The following NAV2 variants were observed in gnomAD, a reference collection of about 807,000 sequenced individuals.
NAV2 encodes the protein helicase, APC down-regulated 1.
A neutral mutation model predicts 223.2 loss-of-function variants in NAV2; 54 were observed. The ratio of observed to expected loss-of-function variants is 0.24; its 90% CI spans 0.19 to 0.30. The LOEUF (loss-of-function observed/expected upper bound fraction) is 0.30, where lower values mean the gene tolerates loss of function less well. NAV2 is among the 10% of genes least tolerant of loss of function. NAV2 has a pLI of 1.00. For synonymous variants in NAV2, 1,279 were observed against 1,239.3 expected, an observed-to-expected ratio of 1.03 and a Z score of -0.67; for missense variants, 2,806 against 3,147.5, an observed-to-expected ratio of 0.89 and a Z score of 2.60.
chr11:19,636,475 A>G (rs976235776), intron 1 of NAV2, among the ~76,000 whole-genome samples: 2 of 151,274 alleles, frequency 1.3e-5, no homozygotes, highest in Non-Finnish European at 2.9e-5. Flanking sequence ...AATTAAGGAG[A>G]TGAGTTCTGC....
At chr11:19,472,459 TA>T (rs1450381770) in intron 1 of NAV2, among the ~76,000 whole-genome samples, 2 of 152,206 alleles carry the variant, frequency 1.3e-5, no homozygotes, top group Non-Finnish European at 2.9e-5. Flanking sequence ...ATGTATCATG[TA>T]AATATAAGTC....
At chr11:19,420,063 G>A (rs1201024965) in intron 1 of NAV2, among the ~76,000 whole-genome samples, 1 of 152,116 alleles carries the variant, frequency 6.6e-6, no homozygotes. Context: ...CTACGCCCAC[G>A]TTACTGTCTT....
At chr11:19,741,687 GTATATATATA>G (rs1156844957) in intron 1 of NAV2, among the ~76,000 whole-genome samples, 2,778 of 20,890 alleles carry the variant, frequency 0.13, 41 homozygotes, top group Non-Finnish European at 0.2. Flanking sequence ...GTGTGTGTGT[GTATATATATA>G]TATATATATA....
intron 1 of NAV2, among the ~76,000 whole-genome samples, chr11:19,666,326 G>T (rs967706424): frequency 4.6e-5 from 7 of 152,204 alleles, no homozygotes; most frequent in African/African-American, 1.7e-4. Flanking sequence ...AGCAATATTT[G>T]GGATGGCATA....
intron 1 of NAV2, among the ~76,000 whole-genome samples, chr11:19,442,337 C>T (rs1272131410): frequency 6.6e-6 from 1 of 152,232 alleles, no homozygotes; most frequent in Non-Finnish European, 1.5e-5. Flanking sequence ...AGTTCCCGCT[C>T]CTATCTGGTT....
At chr11:19,692,932 A>C (rs1446688036) in intron 1 of NAV2, among the ~76,000 whole-genome samples, 1 of 152,238 alleles carries the variant, frequency 6.6e-6, no homozygotes, top group Non-Finnish European at 1.5e-5. Context: ...ATAGGCTCCA[A>C]ACCGAGGGAA....
At position 20,034,362 on chromosome 11, in the gene NAV2, GTT is replaced by G. The variant is rs774988268; in HGVS notation, c.2769-1581_2769-1580del. 2.2e-3 allele frequency among the ~76,000 whole-genome samples: 294 copies of G among 133,266 alleles called. 1 individual carries two copies. The highest frequency in any genetic ancestry group is 7.5e-3 in the African/African-American group (277 of 37,032). 87.4% of individuals were successfully genotyped at this position (133,266 alleles called of 152,430 possible). On this transcript the variant is annotated intron_variant, in intron 11 of 37. Coordinates refer to ENST00000349880, the MANE Select transcript of NAV2 (RefSeq NM_145117.5). ...GTTTCGATCAGCAAGTTTTTTTTTT[GTT>G]TTTTTTTTTTTTTTTGTTTGTTTGT...
chr11:19,748,034 A>G (rs1333239487), intron 1 of NAV2, among the ~76,000 whole-genome samples: 1 of 152,212 alleles, frequency 6.6e-6, no homozygotes, highest in Non-Finnish European at 1.5e-5. Context: ...TATGCTGGGC[A>G]TGTAGTGAGA....
Position 19,775,583 on chromosome 11 carries a change from G to A in NAV2, c.268-56901G>A, listed in dbSNP as rs1204852306. ...AGGTTGTTGGAATTTGTAGTCTAGTGGGACAAGGCAGAAAAGAAACAAGAA... is the reference window on the plus strand; with the variant it reads ...AGGTTGTTGGAATTTGTAGTCTAGTAGGACAAGGCAGAAAAGAAACAAGAA... On this transcript the variant is annotated intron_variant, in intron 1 of 37. Transcript: ENST00000349880. Among the ~76,000 whole-genome samples, 3 of 152,196 alleles carry A rather than the reference G, an allele frequency of 2.0e-5. No homozygotes were observed. In the East Asian group the frequency reaches 5.8e-4, roughly 29 times the overall value.
At chr11:19,417,822 G>C (rs1429436131) in intron 1 of NAV2, among the ~76,000 whole-genome samples, 1 of 152,090 alleles carries the variant, frequency 6.6e-6, no homozygotes, top group East Asian at 1.9e-4. Context: ...CCTTTTCAGG[G>C]ACATGGATGA....
chr11:19,623,666 C>G (rs946597810), intron 1 of NAV2, among the ~76,000 whole-genome samples: 2 of 152,206 alleles, frequency 1.3e-5, no homozygotes, highest in Non-Finnish European at 2.9e-5. Flanking sequence ...AGCCATTCGT[C>G]TAATCTTTTT....
At chr11:19,616,304 C>CTCTGTG (rs146490839) in intron 1 of NAV2, among the ~76,000 whole-genome samples, 4 of 140,708 alleles carry the variant, frequency 2.8e-5, no homozygotes, top group East Asian at 4.2e-4. Flanking sequence ...TTGCTTCTGA[C>CTCTGTG]TGTGTGTGTG....
chr11:19,925,912 A>G (rs1370747952), intron 6 of NAV2, among the ~76,000 whole-genome samples: 2 of 152,176 alleles, frequency 1.3e-5, no homozygotes, highest in East Asian at 3.8e-4. Flanking sequence ...TTTCTGAGCT[A>G]TCTAGTCTAG....
intron 6 of NAV2, among the ~76,000 whole-genome samples, chr11:19,903,847 A>G (rs373002631): frequency 2.0e-5 from 3 of 152,134 alleles, no homozygotes; most frequent in East Asian, 1.9e-4. Flanking sequence ...GCCTCCCCAC[A>G]TTTGTTTCCT....
intron 1 of NAV2, among the ~76,000 whole-genome samples, chr11:19,354,909 C>A (rs944061926): frequency 6.6e-6 from 1 of 152,190 alleles, no homozygotes; most frequent in Non-Finnish European, 1.5e-5. Flanking sequence ...AAGCTCCTCC[C>A]TATTCCTTTG....
intron 1 of NAV2, among the ~76,000 whole-genome samples, chr11:19,402,562 TTA>T (rs1468765021): frequency 6.6e-6 from 1 of 152,206 alleles, no homozygotes; most frequent in African/African-American, 2.4e-5. Context: ...ATTTTTTCAT[TTA>T]TTTGTTTGCT....
chr11:19,947,318 C>T (rs947489625), intron 9 of NAV2, among the ~76,000 whole-genome samples: 2 of 152,184 alleles, frequency 1.3e-5, no homozygotes, highest in African/African-American at 4.8e-5. Flanking sequence ...AAAATAAGGC[C>T]ACTTCCAAGA....
intron 1 of NAV2, among the ~76,000 whole-genome samples, chr11:19,372,439 G>A (rs76886904): frequency 0.011 from 1,700 of 152,284 alleles, 31 homozygotes; most frequent in African/African-American, 0.039. Flanking sequence ...GATGACAGCT[G>A]GGCTTGTATT....
chr11:19,874,114 C>T (rs1215204320), intron 4 of NAV2, among the ~76,000 whole-genome samples: 3 of 152,152 alleles, frequency 2.0e-5, no homozygotes, highest in African/African-American at 7.2e-5. Context: ...TAAACCAAGC[C>T]TGAAGTTTCT....
Sources: allele counts gnomAD v4.1 joint callset (sites outside exome capture counted in the v4.1 genomes callset), GRCh38; gene constraint gnomAD v4.1.1; transcripts MANE v1.5; gene names NCBI Gene and HGNC (gene_info 2026-07-23, HGNC 2026-07-21).